ATF7IP2: variants seen among roughly 807,000 people sequenced by gnomAD.
ATF7IP2 encodes the protein activating transcription factor 7 interacting protein 2, also known as activating transcription factor 7-interacting protein 2.
Under a neutral mutation model 64.2 loss-of-function variants are expected in ATF7IP2, and 42 were observed. The observed-to-expected ratio is 0.65, with a 90% CI of 0.51 to 0.85. The LOEUF is 0.85. Ranked by LOEUF, ATF7IP2 falls within the 40% of genes least tolerant of loss-of-function variation. The probability of loss-of-function intolerance (pLI) is 0.00; values close to 1 mark genes in which losing one functional copy is unlikely to be tolerated. For synonymous variants in ATF7IP2, 308 were observed against 272.8 expected, an observed-to-expected ratio of 1.13 and a Z score of -1.27; for missense variants, 933 against 784.2, an observed-to-expected ratio of 1.19 and a Z score of -2.27.
chr16:10,441,303 C>G (rs765668422), intron 8 of ATF7IP2, among the ~76,000 whole-genome samples: 1 of 152,260 alleles, frequency 6.6e-6, no homozygotes, highest in Middle Eastern at 3.4e-3. Flanking sequence ...AGTTCTGGTT[C>G]TATAGATCCT....
chr16:10,470,276 G>C (rs941476449), intron 9 of ATF7IP2, among the ~76,000 whole-genome samples: 11 of 152,078 alleles, frequency 7.2e-5, no homozygotes, highest in African/African-American at 2.6e-4. Context: ...AATTTAAAAT[G>C]GATGCCATTT....
intron 1 of ATF7IP2, among the ~76,000 whole-genome samples, chr16:10,392,226 A>G (rs931457936): frequency 2.0e-5 from 3 of 151,498 alleles, no homozygotes; most frequent in African/African-American, 7.3e-5. Context: ...CTTAGTAGAA[A>G]TGGGGTTTCG....
At position 10,458,964 on chromosome 16, in the gene ATF7IP2, T is replaced by C. The variant is rs946682450; in HGVS notation, c.1352+1435T>C. Among the ~76,000 whole-genome samples, 99 of 152,158 alleles carry C rather than the reference T, an allele frequency of 6.5e-4. 1 individual carries two copies. The highest frequency in any genetic ancestry group is 2.0e-3 in the African/African-American group (85 of 41,524). ...AGTTTGGGAGGCTGAGGCAGGTGGATCACTTGAGGTCAGGAGTTTGAGACC... is the reference window on the plus strand; with the variant it reads ...AGTTTGGGAGGCTGAGGCAGGTGGACCACTTGAGGTCAGGAGTTTGAGACC... On this transcript the variant is annotated intron_variant, in intron 9 of 13. Transcript: ENST00000562102.
At chr16:10,453,740 C>A (rs746774909) in intron 8 of ATF7IP2, among the ~76,000 whole-genome samples, 6 of 152,154 alleles carry the variant, frequency 3.9e-5, no homozygotes, top group Admixed American at 2.0e-4. Context: ...ACCTCAGCCT[C>A]CCGAGTAGCT....
At chr16:10,403,324 C>A (rs897154493) in intron 1 of ATF7IP2, among the ~76,000 whole-genome samples, 1 of 152,158 alleles carries the variant, frequency 6.6e-6, no homozygotes, top group African/African-American at 2.4e-5. Context: ...TGAACCTGCT[C>A]ACCTACCTGG....
intron 1 of ATF7IP2, among the ~76,000 whole-genome samples, chr16:10,390,529 T>A (rs1179123551): frequency 6.6e-6 from 1 of 152,168 alleles, no homozygotes; most frequent in African/African-American, 2.4e-5. Context: ...ATGCCTGTAA[T>A]CCCACCACTT....
chr16:10,467,070 T>C (rs1469177283), intron 9 of ATF7IP2, among the ~76,000 whole-genome samples: 1 of 152,150 alleles, frequency 6.6e-6, no homozygotes, highest in African/African-American at 2.4e-5. Context: ...GAGTAGGATC[T>C]GATTACCTAA....
intron 8 of ATF7IP2, chr16:10,448,258 C>G (rs772197309): frequency 6.6e-6 from 1 of 152,112 alleles, no homozygotes; most frequent in East Asian, 1.9e-4. Flanking sequence ...TATATGGGCT[C>G]TTTTTTGGTT....
chr16:10,453,209 G>A (rs545344021), intron 8 of ATF7IP2, among the ~76,000 whole-genome samples: 5 of 152,308 alleles, frequency 3.3e-5, no homozygotes, highest in South Asian at 4.1e-4. Flanking sequence ...ACCCAGGGCC[G>A]TGGTAGCATA....
At chr16:10,463,993 C>T (rs537431507) in intron 9 of ATF7IP2, among the ~76,000 whole-genome samples, 1 of 152,240 alleles carries the variant, frequency 6.6e-6, no homozygotes, top group East Asian at 1.9e-4. Flanking sequence ...TTTTTGCTTG[C>T]TTTCATAGCA....
chr16:10,468,867 A>G (rs535981629), intron 9 of ATF7IP2, among the ~76,000 whole-genome samples: 1 of 152,340 alleles, frequency 6.6e-6, no homozygotes, highest in East Asian at 1.9e-4. Flanking sequence ...TAAAATGAAG[A>G]AAATTTATAA....
intron 6 of ATF7IP2, among the ~76,000 whole-genome samples, chr16:10,435,275 TCATAAGGAG>T (rs2048382105): frequency 6.6e-6 from 1 of 152,266 alleles, no homozygotes; most frequent in Admixed American, 6.5e-5. Context: ...TTTTGAGGTT[TCATAAGGAG>T]CATGGCCGGG....
intron 9 of ATF7IP2, among the ~76,000 whole-genome samples, chr16:10,460,201 C>G (rs894831840): frequency 4.6e-5 from 7 of 151,988 alleles, no homozygotes; most frequent in Non-Finnish European, 8.8e-5. Flanking sequence ...CAAAACATAT[C>G]AAGTACCTAG....
intron 8 of ATF7IP2, among the ~76,000 whole-genome samples, chr16:10,444,841 T>C (rs2141952444): frequency 6.6e-6 from 1 of 152,340 alleles, no homozygotes; most frequent in East Asian, 1.9e-4. Context: ...TTTTTTATTA[T>C]TTCAAACCTG....
intron 1 of ATF7IP2, among the ~76,000 whole-genome samples, chr16:10,389,049 AAGT>A (rs1258699865): frequency 6.6e-6 from 1 of 151,996 alleles, no homozygotes; most frequent in Non-Finnish European, 1.5e-5. Flanking sequence ...TTAGATAAAG[AAGT>A]AGTAGTTCTC....
At chr16:10,390,219 GA>G (rs1488800672) in intron 1 of ATF7IP2, among the ~76,000 whole-genome samples, 1 of 151,874 alleles carries the variant, frequency 6.6e-6, no homozygotes, top group Non-Finnish European at 1.5e-5. Context: ...AATGAAGCAG[GA>G]AAAAACCCAA....
At chr16:10,429,292 CTTAA>C (rs1273658604) in intron 4 of ATF7IP2, among the ~76,000 whole-genome samples, 2 of 152,132 alleles carry the variant, frequency 1.3e-5, no homozygotes, top group Admixed American at 6.5e-5. Flanking sequence ...ATATTAGGGT[CTTAA>C]TTAATGAAGA....
intron 1 of ATF7IP2, among the ~76,000 whole-genome samples, chr16:10,389,171 G>A (rs2047270878): frequency 6.6e-6 from 1 of 152,112 alleles, no homozygotes; most frequent in African/African-American, 2.4e-5. Context: ...GAAAGTGAAG[G>A]TTAGGTTTAT....
intron 1 of ATF7IP2, among the ~76,000 whole-genome samples, chr16:10,404,375 C>T (rs188752272): frequency 1.7e-3 from 252 of 152,312 alleles, no homozygotes; most frequent in African/African-American, 5.8e-3. Flanking sequence ...GCCTCAGCCT[C>T]CCGAGTAGCT....
Sources: allele counts gnomAD v4.1 joint callset (sites outside exome capture counted in the v4.1 genomes callset), GRCh38; gene constraint gnomAD v4.1.1; transcripts MANE v1.5; gene names NCBI Gene and HGNC (gene_info 2026-07-23, HGNC 2026-07-21).